The following PPP4R3B variants were observed in gnomAD, a reference collection of about 807,000 sequenced individuals.
PPP4R3B encodes the protein serine/threonine-protein phosphatase 4 regulatory subunit 3B.
Under a neutral mutation model 95.4 loss-of-function variants are expected in PPP4R3B, and 52 were observed. That is an observed-to-expected ratio of 0.54 (90% confidence interval 0.44 to 0.69). PPP4R3B has a LOEUF of 0.69. Ranked by LOEUF, PPP4R3B falls within the 30% of genes least tolerant of loss-of-function variation. The pLI, the probability that PPP4R3B is intolerant of heterozygous loss-of-function variation, is 0.00. For synonymous variants in PPP4R3B, 407 were observed against 343.9 expected (o/e 1.18, Z -2.03); for missense variants, 1,003 against 1,005.9 (o/e 1.00, Z 0.04).
chr2:55,608,088 C>G (rs1693666807), intron 2 of PPP4R3B, among the ~76,000 whole-genome samples: 2 of 152,210 alleles, frequency 1.3e-5, no homozygotes, highest in African/African-American at 4.8e-5. Context: ...TCACTGCAAC[C>G]TCCACCTCTG....
chr2:55,586,551 C>A, intron 6 of PPP4R3B, 67 bp downstream of exon 6: 1 of 834,926 alleles, frequency 1.2e-6, no homozygotes, highest in Non-Finnish European at 1.9e-6. Flanking sequence ...ATATATTTTC[C>A]CATCCATAAC....
rs993475275 is a variant in PPP4R3B at position 55,549,690 on chromosome 2, G to C, written c.*221C>G. On this transcript the variant is annotated 3_prime_UTR_variant, in exon 17 of 17. Coordinates refer to ENST00000616407, the MANE Select transcript of PPP4R3B (RefSeq NM_001122964.3). Reference sequence around the variant, plus strand: ...GGTTCTGGTTACTAATGTTTGTTTTGACAGCCTAAAAGGCAAACCCCTTAA... The same window carrying C: ...GGTTCTGGTTACTAATGTTTGTTTTCACAGCCTAAAAGGCAAACCCCTTAA... 3.5e-5 allele frequency: 17 copies of C among 485,078 alleles called. No homozygotes were observed. The highest frequency in any genetic ancestry group is 2.3e-4 in the Admixed American group (6 of 25,728). The allele number at this position is 485,078 out of a possible 1,614,324, so 30.0% of individuals were successfully genotyped here.
chr2:55,601,893 G>T (rs1047319280), intron 3 of PPP4R3B, among the ~76,000 whole-genome samples: 1 of 152,096 alleles, frequency 6.6e-6, no homozygotes, highest in Non-Finnish European at 1.5e-5. Context: ...ATGTAATGCT[G>T]ATAGAAAAAC....
intron 15 of PPP4R3B, among the ~76,000 whole-genome samples, chr2:55,561,865 TTTGGAC>T (rs1686676716): frequency 6.6e-6 from 1 of 152,194 alleles, no homozygotes; most frequent in South Asian, 2.1e-4. Context: ...CATATGAGAC[TTTGGAC>T]TTGGACTTTT....
intron 12 of PPP4R3B, among the ~76,000 whole-genome samples, chr2:55,572,921 T>G (rs1205146771): frequency 6.6e-6 from 1 of 152,042 alleles, no homozygotes; most frequent in East Asian, 1.9e-4. Flanking sequence ...TAATCTAGAG[T>G]AGTATTAGTG....
intron 15 of PPP4R3B, among the ~76,000 whole-genome samples, chr2:55,561,987 GT>G (rs1048101003): frequency 2.2e-4 from 33 of 152,276 alleles, no homozygotes; most frequent in African/African-American, 7.9e-4. Flanking sequence ...GAATGATATG[GT>G]TTGGCTCTTG....
intron 2 of PPP4R3B, among the ~76,000 whole-genome samples, chr2:55,607,747 C>T (rs982619603): frequency 6.6e-6 from 1 of 152,080 alleles, no homozygotes; most frequent in South Asian, 2.1e-4. Flanking sequence ...TGGAGGATGG[C>T]GGATGGGGTT....
intron 15 of PPP4R3B, 138 bp from the exon 16 acceptor site, chr2:55,559,106 G>A (rs1028430305): frequency 1.6e-6 from 1 of 628,100 alleles, no homozygotes; most frequent in Non-Finnish European, 2.6e-6. Flanking sequence ...CCAACACTTT[G>A]GGAGGCTGAG....
At chr2:55,600,108 A>G (rs1471516027) in intron 3 of PPP4R3B, among the ~76,000 whole-genome samples, 1 of 152,128 alleles carries the variant, frequency 6.6e-6, no homozygotes, top group African/African-American at 2.4e-5. Context: ...GAACCATCAA[A>G]CTTTTTCAGG....
intron 9 of PPP4R3B, 111 bp downstream of exon 9, chr2:55,579,568 G>T: frequency 1.7e-6 from 1 of 600,428 alleles, no homozygotes; most frequent in South Asian, 4.4e-5. Flanking sequence ...AAGTTTTTCA[G>T]TCGTAATCTC....
chr2:55,569,788 GTCTTT>G (rs550167279), intron 12 of PPP4R3B, among the ~76,000 whole-genome samples: 24 of 152,234 alleles, frequency 1.6e-4, no homozygotes, highest in South Asian at 4.1e-4. Flanking sequence ...GGGCCCAGCT[GTCTTT>G]TCTTTTATCT....
At chr2:55,610,785 C>A (rs1322715754) in intron 2 of PPP4R3B, among the ~76,000 whole-genome samples, 1 of 151,904 alleles carries the variant, frequency 6.6e-6, no homozygotes, top group Non-Finnish European at 1.5e-5. Flanking sequence ...TACATCCTGC[C>A]TCCAAATAAA....
Position 55,608,041 on chromosome 2 carries a change from T to C in PPP4R3B, c.199-3965A>G, listed in dbSNP as rs572882345. On this transcript the variant is annotated intron_variant, in intron 2 of 16. Coordinates refer to ENST00000616407, the MANE Select transcript of PPP4R3B (RefSeq NM_001122964.3). ...TTTTTTTTGATACAGAGTCTCACTC[T>C]GTTGCCCAGGTTGGAATGCAGTGGT... Among the ~76,000 whole-genome samples the C allele has an allele frequency of 1.1e-4, 16 of 152,346 alleles. No homozygotes were observed. In the South Asian group the frequency reaches 3.3e-3, roughly 32 times the overall value.
chr2:55,587,745 C>G (rs570445697), intron 5 of PPP4R3B, among the ~76,000 whole-genome samples: 1 of 152,254 alleles, frequency 6.6e-6, no homozygotes, highest in African/African-American at 2.4e-5. Context: ...CTAGCTGGGT[C>G]CCCAGTAATA....
intron 12 of PPP4R3B, 141 bp downstream of exon 12, chr2:55,573,478 C>T (rs1688261721): frequency 2.7e-6 from 2 of 749,314 alleles, no homozygotes; most frequent in Non-Finnish European, 4.1e-6. Context: ...GTCCTCTTGC[C>T]CTTTAAATAA....
chr2:55,556,782 T>C (rs912768447), intron 16 of PPP4R3B, among the ~76,000 whole-genome samples: 2 of 152,114 alleles, frequency 1.3e-5, no homozygotes, highest in Non-Finnish European at 2.9e-5. Context: ...AACAAGAAAG[T>C]CGGCCGGGCA....
At chr2:55,584,942 T>C in intron 7 of PPP4R3B, 109 bp downstream of exon 7, 3 of 862,460 alleles carry the variant, frequency 3.5e-6, no homozygotes, top group Non-Finnish European at 1.8e-6. Flanking sequence ...AAATCTATTA[T>C]TTTGCTCCCA....
chr2:55,563,637 G>C (rs1451820641), intron 15 of PPP4R3B, among the ~76,000 whole-genome samples: 1 of 152,116 alleles, frequency 6.6e-6, no homozygotes, highest in African/African-American at 2.4e-5. Context: ...GTCTCCCAAA[G>C]TGCTGGGATT....
rs767734936 is a variant in PPP4R3B, at chr2:55,568,268, C to T, written c.1861G>A (p.Ala621Thr). ...KGNLFEPVIN[A>T]LLDNGTRYNL... ...TACCGAGTTCCATTATCCAGAAGTG[C>T]ATTTATAACTGGCTCAAAAAGATTT... Residue 621 changes from alanine (A) to threonine (T), a missense_variant, in exon 13 of 17, where the codon GCA becomes ACA. By Grantham distance (58) the Ala-to-Thr change is moderately conservative (BLOSUM62 0). Transcript: ENST00000616407. 1 of 1,610,284 alleles carries T rather than the reference C, an allele frequency of 6.2e-7. No individual in the cohort carries two copies. The highest frequency in any genetic ancestry group is 8.5e-7 in the Non-Finnish European group (1 of 1,178,142).
Sources: allele counts gnomAD v4.1 joint callset (sites outside exome capture counted in the v4.1 genomes callset), GRCh38; gene constraint gnomAD v4.1.1; transcripts MANE v1.5; gene names NCBI Gene and HGNC (gene_info 2026-07-23, HGNC 2026-07-21).